Variants in FADS2 observed in about 807,000 individuals in gnomAD.
FADS2 encodes the protein fatty acid desaturase 2, also known as acyl-CoA 6-desaturase.
Under a neutral mutation model 61.2 loss-of-function variants are expected in FADS2, and 18 were observed. That is an observed-to-expected ratio of 0.29 (90% CI 0.20 to 0.44). The LOEUF (loss-of-function observed/expected upper bound fraction) is 0.44, where lower values mean the gene tolerates loss of function less well. FADS2 is among the 20% of genes least tolerant of loss of function. FADS2 has a pLI of 1.00. For synonymous variants in FADS2, 203 were observed against 223.9 expected (o/e 0.91, Z 0.83); for missense variants, 322 against 572.7 (o/e 0.56, Z 4.47).
At chr11:61,826,460 G>A (rs910948071), upstream of FADS2, 28 of 680,376 alleles carry the variant, frequency 4.1e-5, no homozygotes, top group South Asian at 1.1e-4. Flanking sequence ...TCCCTGCTCC[G>A]AGCTCCACAC....
chr11:61,830,104 CG>C (rs2067116750), intron 1 of FADS2, among the ~76,000 whole-genome samples: 1 of 152,190 alleles, frequency 6.6e-6, no homozygotes, highest in Non-Finnish European at 1.5e-5. Context: ...GACCTTTACG[CG>C]GCCCAGTGAG....
At chr11:61,851,993 A>G (rs949198533) in intron 5 of FADS2, among the ~76,000 whole-genome samples, 18 of 152,114 alleles carry the variant, frequency 1.2e-4, no homozygotes, top group Admixed American at 1.1e-3. Context: ...ACTTCTGCCA[A>G]ATGGGATATG....
intron 4 of FADS2, among the ~76,000 whole-genome samples, chr11:61,845,685 C>T (rs758853961): frequency 5.0e-4 from 75 of 150,618 alleles, no homozygotes; most frequent in Non-Finnish European, 7.8e-4. Flanking sequence ...CTCAGCTACT[C>T]GGAAGGCTGA....
chr11:61,818,877 T>G (rs2067011576), intron 1 of FADS2, among the ~76,000 whole-genome samples: 1 of 151,948 alleles, frequency 6.6e-6, no homozygotes, highest in Admixed American at 6.6e-5. Flanking sequence ...ATTTAAGATT[T>G]TTTTTTTTTT....
At position 61,840,680 on chromosome 11, in the gene FADS2, C is replaced by A; in HGVS notation, c.573C>A (p.Pro191=). The A allele has an allele frequency of 1.9e-6, 3 of 1,614,194 alleles. No homozygotes were observed. The highest frequency in any genetic ancestry group is 2.5e-6 in the Non-Finnish European group (3 of 1,180,032). ...DYGHLSVYRK[P]KWNHLVHKFV... is the part of the protein sequence containing the mutation. ...GCCACCTGTCTGTCTACAGAAAACCCAAGTGGAACCACCTTGTCCACAAAT... is the reference window on the plus strand; with the variant it reads ...GCCACCTGTCTGTCTACAGAAAACCAAAGTGGAACCACCTTGTCCACAAAT... The change falls in exon 4 of 12, where the codon CCC becomes CCA. Residue 191 remains proline (P), a synonymous_variant. Coordinates refer to ENST00000278840, the MANE Select transcript of FADS2 (RefSeq NM_004265.4).
intron 4 of FADS2, 57 bp downstream of exon 4, chr11:61,840,782 AC>A: frequency 7.6e-7 from 1 of 1,319,826 alleles, no homozygotes; most frequent in Non-Finnish European, 1.1e-6. Context: ...AGACAGAGGG[AC>A]CAGGATTCCT....
At chr11:61,859,480 T>C (rs1422898176) in intron 7 of FADS2, among the ~76,000 whole-genome samples, 1 of 152,228 alleles carries the variant, frequency 6.6e-6, no homozygotes, top group African/African-American at 2.4e-5. Flanking sequence ...TCTAACTCCA[T>C]TTGGAGGTGT....
chr11:61,817,562 T>A (rs996823685), intron 1 of FADS2, among the ~76,000 whole-genome samples: 4 of 152,222 alleles, frequency 2.6e-5, no homozygotes, highest in Non-Finnish European at 5.9e-5. Flanking sequence ...TTGGAAAAAT[T>A]CACTGGGATC....
At chr11:61,856,632 T>G in intron 5 of FADS2, 4 of 205,708 alleles carry the variant, frequency 1.9e-5, no homozygotes, top group Non-Finnish European at 2.9e-5. Flanking sequence ...TCAACAAACA[T>G]TTGTTTAGTG....
At chr11:61,842,136 G>A (rs2067222693) in intron 4 of FADS2, among the ~76,000 whole-genome samples, 1 of 152,204 alleles carries the variant, frequency 6.6e-6, no homozygotes, top group South Asian at 2.1e-4. Context: ...CGAGCTACAT[G>A]TGGGGTGTAG....
In FADS2 at chr11:61,818,616, T is replaced by G. The variant is rs1456687280; in HGVS notation, c.141+2190T>G. Among the ~76,000 whole-genome samples, 3 of 152,218 alleles carry G rather than the reference T, an allele frequency of 2.0e-5. No individual in the cohort carries two copies. In the East Asian group the frequency reaches 5.8e-4, roughly 29 times the overall value. On this transcript the variant is annotated intron_variant, in intron 1 of 11. Coordinates refer to the FADS2 transcript ENST00000257261. The stretch of plus-strand genomic sequence containing the variant: ...ACAATGAAGAATTAAAGAATGATTT[T>G]AAATGGCTAGAATGTGAACTATATT...
At position 61,816,456 on chromosome 11, in the gene FADS2, C is replaced by T. The variant is rs59824480; in HGVS notation, c.141+30C>T. On this transcript the variant is annotated intron_variant, in intron 1 of 11. Coordinates refer to the FADS2 transcript ENST00000257261. The surrounding 1 kb of genome is among the most constrained non-coding windows in gnomAD (Gnocchi z 7.0). Reference sequence around the variant, plus strand: ...GATCAGGCGCCTCCGGGCTTTCCTCCGAATTAGTCGGTGTTTGGCTCGGAG... The same window carrying T: ...GATCAGGCGCCTCCGGGCTTTCCTCTGAATTAGTCGGTGTTTGGCTCGGAG... 1.2e-6 allele frequency: 2 copies of T among 1,600,278 alleles called. No homozygotes were observed. The highest frequency in any genetic ancestry group is 1.7e-6 in the Non-Finnish European group (2 of 1,179,726).
chr11:61,856,915 C>T (rs2067363915), intron 5 of FADS2, 96 bp from the exon 6 acceptor site: 1 of 983,042 alleles, frequency 1.0e-6, no homozygotes, highest in Non-Finnish European at 1.6e-6. Context: ...GTGCCCTGAG[C>T]AGATAGAAGG....
intron 10 of FADS2, among the ~76,000 whole-genome samples, chr11:61,864,775 A>G (rs1239400574): frequency 3.9e-5 from 6 of 152,066 alleles, no homozygotes; most frequent in African/African-American, 7.2e-5. Context: ...GCCTCAAGTG[A>G]TCTGCCTGCC....
chr11:61,843,104 T>C (rs1185980303), intron 4 of FADS2, among the ~76,000 whole-genome samples: 1 of 152,240 alleles, frequency 6.6e-6, no homozygotes, highest in Non-Finnish European at 1.5e-5. Context: ...AGGTTAAAAC[T>C]CTTTCGTAGT....
Position 61,865,136 on chromosome 11 carries a change from C to T in FADS2, c.1158-16C>T. The T allele has an allele frequency of 6.2e-7, 1 of 1,611,440 alleles. No homozygotes were observed. The highest frequency in any genetic ancestry group is 8.5e-7 in the Non-Finnish European group (1 of 1,178,828). Reference sequence around the variant, plus strand: ...CTCTGAGTCCTCACGCTCTGCCCACCCTACACACTCCTCAGCCTCTTCCCC... The same window carrying T: ...CTCTGAGTCCTCACGCTCTGCCCACTCTACACACTCCTCAGCCTCTTCCCC... On this transcript the variant is annotated splice_polypyrimidine_tract_variant and intron_variant, in intron 10 of 11. Coordinates refer to ENST00000278840, the MANE Select transcript of FADS2 (RefSeq NM_004265.4). The surrounding 1 kb of genome is among the most constrained non-coding windows in gnomAD (Gnocchi z 4.1).
At chr11:61,850,942 T>A (rs2067301915) in intron 5 of FADS2, among the ~76,000 whole-genome samples, 1 of 152,148 alleles carries the variant, frequency 6.6e-6, no homozygotes, top group Non-Finnish European at 1.5e-5. Context: ...CTTATTTCAT[T>A]TCCACCCGTG....
intron 1 of FADS2, among the ~76,000 whole-genome samples, chr11:61,835,858 T>C (rs953421569): frequency 9.9e-5 from 15 of 152,194 alleles, no homozygotes; most frequent in South Asian, 2.1e-4. Context: ...AGCTGCGTCA[T>C]TGTGTGATCA....
At chr11:61,825,533 A>G (rs174567), upstream of FADS2, among the ~76,000 whole-genome samples, 52,044 of 150,778 alleles carry the variant, frequency 0.35, 9,788 homozygotes, top group East Asian at 0.56. Flanking sequence ...CAGTAGAACC[A>G]TTTGAACCCA....
Sources: allele counts gnomAD v4.1 joint callset (sites outside exome capture counted in the v4.1 genomes callset), GRCh38; gene constraint gnomAD v4.1.1; non-coding constraint Gnocchi (gnomAD v3.1); transcripts MANE v1.5; gene names NCBI Gene and HGNC (gene_info 2026-07-23, HGNC 2026-07-21).